SNX14: variants seen among roughly 807,000 people sequenced by gnomAD.
SNX14 encodes the protein sorting nexin-14.
In SNX14, 93 loss-of-function variants were observed where a neutral mutation model predicts 133.8. That is an observed-to-expected ratio of 0.70 (90% CI 0.59 to 0.83). SNX14 has a LOEUF of 0.83. SNX14 is among the 40% of genes least tolerant of loss of function. The probability of loss-of-function intolerance (pLI) is 0.00; values close to 1 mark genes in which losing one functional copy is unlikely to be tolerated. For synonymous variants in SNX14, 368 were observed against 365.6 expected (o/e 1.01, Z -0.07); for missense variants, 945 against 1,094.9 (o/e 0.86, Z 1.93).
At chr6:85,565,225 C>A in intron 6 of SNX14, 107 bp downstream of exon 6, 1 of 619,166 alleles carries the variant, frequency 1.6e-6, no homozygotes, top group East Asian at 2.9e-5. Context: ...ATCTCATGTA[C>A]CCCACAAATA....
intron 1 of SNX14, among the ~76,000 whole-genome samples, chr6:85,576,015 T>C (rs749158961): frequency 1.3e-5 from 2 of 152,224 alleles, no homozygotes; most frequent in Non-Finnish European, 2.9e-5. Flanking sequence ...AGTGTACTAC[T>C]CACTTTACTA....
At chr6:85,513,370 T>C (rs1773621369) in intron 26 of SNX14, among the ~76,000 whole-genome samples, 1 of 152,244 alleles carries the variant, frequency 6.6e-6, no homozygotes, top group Non-Finnish European at 1.5e-5. Flanking sequence ...TAGACTGACC[T>C]ACTCAAGTGC....
At position 85,543,690 on chromosome 6, in the gene SNX14, C is replaced by A; in HGVS notation, c.1179G>T (p.Leu393Phe). ...NDEMLSLHEE[L>F]QKIYKTYCLD... ...AACAGTATGTTTTATAAATCTTCTG[C>A]AATTCTTCATGAAGAGACAGCATTT... The change falls in exon 13 of 29, where the codon TTG becomes TTT. Residue 393 changes from leucine to phenylalanine, a missense_variant. By Grantham distance (22) the Leu-to-Phe change is conservative. This residue lies in a region of SNX14 where 514 missense variants were observed against 538.8 expected (regional missense o/e 0.95). Coordinates refer to ENST00000314673, the MANE Select transcript of SNX14 (RefSeq NM_153816.6). 6.3e-7 allele frequency: 1 copy of A among 1,589,230 alleles called. No homozygotes were observed. Among genetic ancestry groups the A allele is most frequent in the Non-Finnish European group, 8.6e-7 (1 of 1,165,924 alleles).
intron 4 of SNX14, among the ~76,000 whole-genome samples, chr6:85,571,417 G>C (rs1398427791): frequency 1.3e-5 from 2 of 151,578 alleles, no homozygotes; most frequent in Non-Finnish European, 2.9e-5. Flanking sequence ...ATTTTAATGG[G>C]CTTTTATGCA....
At chr6:85,533,821 T>C in intron 17 of SNX14, 21 bp from the exon 18 acceptor site, 3 of 1,589,382 alleles carry the variant, frequency 1.9e-6, no homozygotes, top group Non-Finnish European at 2.6e-6. Flanking sequence ...ATTACCAGGA[T>C]GAATTTAATA....
At chr6:85,551,304 A>G (rs1175040688) in intron 7 of SNX14, among the ~76,000 whole-genome samples, 1 of 152,160 alleles carries the variant, frequency 6.6e-6, no homozygotes, top group Non-Finnish European at 1.5e-5. Flanking sequence ...CCTTTCTACA[A>G]TCAAGCAAAA....
In SNX14 at chr6:85,554,915, G is replaced by C. The variant is rs559700890; in HGVS notation, c.634+3061C>G. ...GCTCACTGCAGTCTCAAACTCCTGGGCTCTAGAAATCCTCCTGCTTCAGCC... is the reference window on the plus strand; with the variant it reads ...GCTCACTGCAGTCTCAAACTCCTGGCCTCTAGAAATCCTCCTGCTTCAGCC... On this transcript the variant is annotated intron_variant, in intron 7 of 28. Transcript: ENST00000314673. Among the ~76,000 whole-genome samples, 4 of 152,004 alleles carry C rather than the reference G, an allele frequency of 2.6e-5. No individual in the cohort carries two copies. In the East Asian group the frequency reaches 7.7e-4, roughly 29 times the overall value.
chr6:85,567,463 T>C, intron 5 of SNX14, 71 bp downstream of exon 5: 1 of 1,107,652 alleles, frequency 9.0e-7, no homozygotes, highest in Non-Finnish European at 1.3e-6. Context: ...ATGAAAAACA[T>C]GTCATTAGCA....
chr6:85,588,301 C>T (rs997298441), intron 1 of SNX14, among the ~76,000 whole-genome samples: 5 of 151,728 alleles, frequency 3.3e-5, no homozygotes, highest in Admixed American at 6.6e-5. Flanking sequence ...AGGCCAGGCT[C>T]GGTGGCTCAC....
chr6:85,528,858 A>G lies in SNX14; in HGVS notation c.1895-496T>C, dbSNP rs1218680972. Among the ~76,000 whole-genome samples the G allele has an allele frequency of 2.0e-5, 3 of 152,040 alleles. No homozygotes were observed. The East Asian group carries it at 5.8e-4, about 29-fold the overall frequency. On this transcript the variant is annotated intron_variant, in intron 19 of 28. Transcript: ENST00000314673. Reference sequence around the variant, plus strand: ...GATCACTTGAGGTCAGAAGTTCAAGACTAACGTGATATAAAACCCCATCTC... The same window carrying G: ...GATCACTTGAGGTCAGAAGTTCAAGGCTAACGTGATATAAAACCCCATCTC...
intron 23 of SNX14, among the ~76,000 whole-genome samples, chr6:85,515,221 C>T (rs1774435638): frequency 7.3e-6 from 1 of 136,062 alleles, no homozygotes; most frequent in Admixed American, 8.1e-5. Flanking sequence ...GAGCCGAAAT[C>T]GTGCCACTGC....
At chr6:85,512,370 C>G (rs1773195832) in intron 26 of SNX14, among the ~76,000 whole-genome samples, 1 of 152,058 alleles carries the variant, frequency 6.6e-6, no homozygotes, top group Admixed American at 6.6e-5. Flanking sequence ...GCCTGTAACC[C>G]CAGCACTTTT....
At chr6:85,573,934 C>G (rs1796464023) in intron 2 of SNX14, among the ~76,000 whole-genome samples, 1 of 152,058 alleles carries the variant, frequency 6.6e-6, no homozygotes, top group Non-Finnish European at 1.5e-5. Flanking sequence ...AACTTTTGTA[C>G]CATATTTTCT....
chr6:85,548,362 A>C lies in SNX14; in HGVS notation c.806T>G (p.Leu269Arg), dbSNP rs1786479366. Residue 269 changes from leucine to arginine, a missense_variant, in exon 9 of 29, where the codon CTT becomes CGT. Physicochemically the swap from Leu to Arg is moderately radical, Grantham distance 102. Transcript: ENST00000314673. ...KATDCRSLTL[L>R]IREILSGSVF... Reference sequence around the variant, plus strand: ...AGAGCCAGACAGAATCTCTCTTATAAGTAAGGTCAGAGATCTGGAAAAAGA... The same window carrying C: ...AGAGCCAGACAGAATCTCTCTTATACGTAAGGTCAGAGATCTGGAAAAAGA... 6.2e-7 allele frequency: 1 copy of C among 1,603,690 alleles called. No individual in the cohort carries two copies. Among genetic ancestry groups the C allele is most frequent in the Admixed American group, 1.7e-5 (1 of 58,262 alleles).
intron 1 of SNX14, among the ~76,000 whole-genome samples, chr6:85,585,596 G>A (rs367915849): frequency 2.6e-5 from 4 of 152,066 alleles, no homozygotes; most frequent in African/African-American, 9.7e-5. Context: ...CTTCTAACTG[G>A]ATACTAATGG....
intron 6 of SNX14, among the ~76,000 whole-genome samples, chr6:85,564,326 A>C (rs1792978753): frequency 2.0e-5 from 3 of 152,208 alleles, no homozygotes; most frequent in Admixed American, 6.5e-5. Flanking sequence ...TTCTAGTTCT[A>C]GATCCTTGAG....
chr6:85,559,982 G>A (rs1791006765), intron 6 of SNX14, among the ~76,000 whole-genome samples: 1 of 152,192 alleles, frequency 6.6e-6, no homozygotes, highest in Non-Finnish European at 1.5e-5. Flanking sequence ...AAAAGAGTGA[G>A]ATTATAAATA....
At chr6:85,523,763 C>CA (rs1245024484) in intron 21 of SNX14, among the ~76,000 whole-genome samples, 20 of 139,294 alleles carry the variant, frequency 1.4e-4, no homozygotes, top group South Asian at 2.3e-4. Flanking sequence ...ACTCCATCTC[C>CA]AAAAAAAAAA....
At chr6:85,589,225 CT>C (rs34164476) in intron 1 of SNX14, 30,740 of 130,834 alleles carry the variant, frequency 0.23, 2,466 homozygotes, top group East Asian at 0.32. Context: ...TCTGGCACCA[CT>C]TTTTTTTTTT....
Sources: gnomAD v4.1 joint callset for allele counts (sites outside exome capture counted in the v4.1 genomes callset) on GRCh38, gnomAD v4.1.1 for gene constraint, gnomAD v4.1.1 regional missense constraint, MANE v1.5 for transcripts, NCBI Gene and HGNC (gene_info 2026-07-23, HGNC 2026-07-21) for gene names.